Variants in CA3 observed in about 807,000 individuals in gnomAD.
The protein encoded by CA3 is CA-III.
In CA3, 30 loss-of-function variants were observed where a neutral mutation model predicts 35.7. That is an observed-to-expected ratio of 0.84 (90% CI 0.63 to 1.14). CA3 has a LOEUF of 1.14. Ranked by LOEUF, CA3 falls within the 50% of genes most tolerant of loss-of-function variation. The pLI, the probability that CA3 is intolerant of heterozygous loss-of-function variation, is 0.00. For missense variants in CA3, 295 were observed against 328.5 expected (o/e 0.90, Z 0.79); for synonymous variants, 131 against 130.8 (o/e 1.00, Z -0.01).
At chr8:85,447,451 AG>A (rs1397335314) in intron 6 of CA3, among the ~76,000 whole-genome samples, 1 of 152,238 alleles carries the variant, frequency 6.6e-6, no homozygotes, top group Non-Finnish European at 1.5e-5. Flanking sequence ...CAACAGGAAA[AG>A]GTTGTGACCA....
At position 85,445,201 on chromosome 8, in the gene CA3, G is replaced by C. The variant is rs1811267267; in HGVS notation, c.490G>C (p.Asp164His). 3 of 1,604,928 alleles carry C rather than the reference G, an allele frequency of 1.9e-6. 1 individual carries two copies. In the South Asian group the frequency reaches 3.3e-5, roughly 18 times the overall value. ...GTTCCAGATTTTCCTTGATGCATTGGACAAGATTAAGACAAAGGTAAACAA... is the reference window on the plus strand; with the variant it reads ...GTTCCAGATTTTCCTTGATGCATTGCACAAGATTAAGACAAAGGTAAACAA... ...GEFQIFLDALDKIKTKGKEAP... is the reference protein window; with the variant it reads ...GEFQIFLDALHKIKTKGKEAP... Residue 164 changes from aspartate (D) to histidine (H), a missense_variant, in exon 5 of 7, where the codon GAC becomes CAC. Coordinates refer to ENST00000285381, the MANE Select transcript of CA3 (RefSeq NM_005181.4).
Position 85,439,785 on chromosome 8 carries a change from A to C in CA3, c.108A>C (p.Lys36Asn). 1.2e-6 allele frequency: 2 copies of C among 1,614,070 alleles called. No individual in the cohort carries two copies. The highest frequency in any genetic ancestry group is 8.5e-7 in the Non-Finnish European group (1 of 1,179,960). ...AGTCGCCCGTTGAGCTGCATACTAAAGACATCAGGCATGACCCTTCTCTGC... is the reference window on the plus strand; with the variant it reads ...AGTCGCCCGTTGAGCTGCATACTAACGACATCAGGCATGACCCTTCTCTGC... ...ENQSPVELHT[K>N]DIRHDPSLQP... Residue 36 changes from lysine to asparagine, a missense_variant, in exon 2 of 7, where the codon AAA (lysine) becomes AAC (asparagine). Transcript: ENST00000285381.
At chr8:85,441,478 G>A (rs1364652970) in intron 2 of CA3, among the ~76,000 whole-genome samples, 2 of 152,232 alleles carry the variant, frequency 1.3e-5, no homozygotes, top group Non-Finnish European at 2.9e-5. Flanking sequence ...GAAGAAAAGT[G>A]TAGTTGGAAG....
intron 5 of CA3, among the ~76,000 whole-genome samples, chr8:85,445,922 G>A (rs1462159674): frequency 6.6e-6 from 1 of 152,150 alleles, no homozygotes; most frequent in Non-Finnish European, 1.5e-5. Flanking sequence ...AAAACACTAA[G>A]GAACACAGTA....
At chr8:85,447,976 C>A (rs920392273) in intron 6 of CA3, 58 bp from the exon 7 acceptor site, 3 of 1,541,338 alleles carry the variant, frequency 1.9e-6, no homozygotes, top group African/African-American at 1.4e-5. Flanking sequence ...CTCTTTGTCA[C>A]GTAGTGTGTC....
chr8:85,445,417 T>C (rs1811273235), intron 5 of CA3, among the ~76,000 whole-genome samples, 199 bp downstream of exon 5: 1 of 152,146 alleles, frequency 6.6e-6, no homozygotes, highest in Admixed American at 6.5e-5. Context: ...GTTTTTTTAA[T>C]GGTCATAGTC....
Position 85,448,585 on chromosome 8 carries a change from G to A in CA3, c.*432G>A, listed in dbSNP as rs1811327176. The A allele has an allele frequency of 6.6e-6, 1 of 152,660 alleles. No homozygotes were observed. Among genetic ancestry groups the A allele is most frequent in the Admixed American group, 6.5e-5 (1 of 15,284 alleles). 9.5% of individuals were successfully genotyped at this position (152,660 alleles called of 1,614,324 possible). ...GAGTAATTCTACATGTAGTAGAGGT[G>A]TATGAAGATCATATAACAATTAAAC... is the stretch of plus-strand genomic sequence containing the variant. On this transcript the variant is annotated 3_prime_UTR_variant, in exon 7 of 7. Transcript: ENST00000285381.
At chr8:85,445,041 T>C in intron 4 of CA3, 115 bp from the exon 5 acceptor site, 1 of 628,082 alleles carries the variant, frequency 1.6e-6, no homozygotes. Context: ...GTACGAGATA[T>C]TCTGGCAGAT....
chr8:85,444,447 T>TA (rs1456050458), intron 4 of CA3, among the ~76,000 whole-genome samples: 1 of 152,098 alleles, frequency 6.6e-6, no homozygotes, highest in African/African-American at 2.4e-5. Flanking sequence ...AAAGGTGGCA[T>TA]ATATTTATTT....
Position 85,446,317 on chromosome 8 carries a change from C to T in CA3, c.663+20C>T, listed in dbSNP as rs773292272. The T allele has an allele frequency of 1.0e-5, 16 of 1,603,856 alleles. No individual in the cohort carries two copies. The highest frequency in any genetic ancestry group is 6.0e-6 in the Non-Finnish European group (7 of 1,172,574). ...GACCAGGTGAGCAGCCTTGTGAACACGTGGGCTTATGTTGCTGTCTGCCTA... is the reference window on the plus strand; with the variant it reads ...GACCAGGTGAGCAGCCTTGTGAACATGTGGGCTTATGTTGCTGTCTGCCTA... On this transcript the variant is annotated intron_variant, in intron 6 of 6. Coordinates refer to ENST00000285381, the MANE Select transcript of CA3 (RefSeq NM_005181.4).
At chr8:85,445,255 C>T (rs1410443390) in intron 5 of CA3, 37 bp downstream of exon 5, 8 of 1,288,534 alleles carry the variant, frequency 6.2e-6, no homozygotes, top group Non-Finnish European at 6.6e-6. Flanking sequence ...AAACATAAAG[C>T]AGATTATGCA....
chr8:85,446,373 A>G (rs1321828705), intron 6 of CA3, 76 bp downstream of exon 6: 2 of 1,492,624 alleles, frequency 1.3e-6, no homozygotes, highest in Admixed American at 1.8e-5. Flanking sequence ...TCAAAAATAC[A>G]TAGCTACTAA....
intron 1 of CA3, 74 bp from the exon 2 acceptor site, chr8:85,439,638 C>A: frequency 1.9e-6 from 2 of 1,036,264 alleles, no homozygotes; most frequent in Non-Finnish European, 2.9e-6. Flanking sequence ...CTGTATTTTG[C>A]TGGTTTAGTC....
chr8:85,444,494 C>T (rs1811253307), intron 4 of CA3, among the ~76,000 whole-genome samples: 1 of 152,106 alleles, frequency 6.6e-6, no homozygotes, highest in African/African-American at 2.4e-5. Flanking sequence ...GCACTGGAAA[C>T]CAGAAAAGTC....
At chr8:85,443,548 A>G (rs1811235714) in intron 3 of CA3, among the ~76,000 whole-genome samples, 1 of 152,238 alleles carries the variant, frequency 6.6e-6, no homozygotes. Context: ...AAGATAAATT[A>G]AGTATTGAGA....
In CA3 at chr8:85,448,042, G is replaced by C; in HGVS notation, c.672G>C (p.Lys224Asn). 7 of 1,611,010 alleles carry C rather than the reference G, an allele frequency of 4.3e-6. No individual in the cohort carries two copies. Among genetic ancestry groups the C allele is most frequent in the Non-Finnish European group, 5.9e-6 (7 of 1,178,738 alleles). The change falls in exon 7 of 7, where the codon AAG (lysine) becomes AAC (asparagine). Residue 224 changes from lysine (K) to asparagine (N), a missense_variant. Physicochemically the swap from Lys to Asn is moderately conservative, Grantham distance 94. Coordinates refer to ENST00000285381, the MANE Select transcript of CA3 (RefSeq NM_005181.4). ...PMTVSSDQMA[K>N]LRSLLSSAEN... ...GCCCCTGCCCTTTGCAGATGGCCAAGCTGCGGAGCCTCCTCTCCAGTGCTG... is the reference window on the plus strand; with the variant it reads ...GCCCCTGCCCTTTGCAGATGGCCAACCTGCGGAGCCTCCTCTCCAGTGCTG...
At position 85,444,132 on chromosome 8, in the gene CA3, G is replaced by C; in HGVS notation, c.444+6G>C. The stretch of plus-strand genomic sequence containing the variant: ...TGATTGGCATTTTTCTGAAGGTAAA[G>C]TAAAAATTGACTATATATTTTCTTC... On this transcript the variant is annotated splice_donor_region_variant and intron_variant, in intron 4 of 6. Coordinates refer to ENST00000285381, the MANE Select transcript of CA3 (RefSeq NM_005181.4). 1.3e-6 allele frequency: 2 copies of C among 1,581,550 alleles called. No individual in the cohort carries two copies. The highest frequency in any genetic ancestry group is 1.7e-6 in the Non-Finnish European group (2 of 1,150,686).
chr8:85,446,360 A>G lies in CA3; in HGVS notation c.663+63A>G, dbSNP rs1339907139. On this transcript the variant is annotated intron_variant, in intron 6 of 6. Transcript: ENST00000285381. ...TCTGCCTATGTAAGATACAGATGCT[A>G]AATCAAAAATACATAGCTACTAACT... 5 of 1,539,566 alleles carry G rather than the reference A, an allele frequency of 3.2e-6. No individual in the cohort carries two copies. In the Admixed American group the frequency reaches 8.8e-5, roughly 27 times the overall value.
intron 1 of CA3, 33 bp from the exon 2 acceptor site, chr8:85,439,678 CA>C: frequency 6.5e-7 from 1 of 1,545,510 alleles, no homozygotes. Flanking sequence ...GTTGTGCCAC[CA>C]AATAAATACA....
Sources: gnomAD v4.1 joint callset for allele counts (sites outside exome capture counted in the v4.1 genomes callset) on GRCh38, gnomAD v4.1.1 for gene constraint, MANE v1.5 for transcripts, NCBI Gene and HGNC (gene_info 2026-07-23, HGNC 2026-07-21) for gene names.